Variants in HORMAD2 observed in about 807,000 individuals in gnomAD.
The protein encoded by HORMAD2 is HORMA domain containing 2.
A neutral mutation model predicts 38.8 loss-of-function variants in HORMAD2; 45 were observed. The observed-to-expected ratio is 1.16, with a 90% CI of 0.91 to 1.49. The LOEUF (loss-of-function observed/expected upper bound fraction) is 1.49, where lower values mean the gene tolerates loss of function less well. HORMAD2 is among the 40% of genes most tolerant of loss of function. HORMAD2 has a pLI of 0.00. For synonymous variants in HORMAD2, 126 were observed against 122.8 expected (o/e 1.03, Z -0.17); for missense variants, 338 against 367.0 (o/e 0.92, Z 0.65).
intron 10 of HORMAD2, among the ~76,000 whole-genome samples, chr22:30,158,108 T>C (rs925109273): frequency 6.6e-6 from 1 of 151,942 alleles, no homozygotes; most frequent in African/African-American, 2.4e-5. Flanking sequence ...AATAGAAATA[T>C]GGCCTCAGTT....
chr22:30,104,293 T>C, intron 4 of HORMAD2, 108 bp from the exon 5 acceptor site: 1 of 808,294 alleles, frequency 1.2e-6, no homozygotes, highest in Non-Finnish European at 2.1e-6. Context: ...GTAAGATGGT[T>C]ATCAACTTAA....
rs1041602806 is a variant in HORMAD2, at chr22:30,093,962, G to T, written c.10G>T (p.Ala4Ser). Residue 4 changes from alanine to serine, a missense_variant, in exon 2 of 11, where the codon GCT becomes TCT. Coordinates refer to ENST00000336726, the MANE Select transcript of HORMAD2 (RefSeq NM_152510.4). ...CTGATACATTCCTACAATGGCCACT[G>T]CTCAGCTTTCTCACTGCATCACAAT... MATAQLSHCITIHK... is the reference protein window; with the variant it reads MATSQLSHCITIHK... 4 of 1,606,844 alleles carry T rather than the reference G, an allele frequency of 2.5e-6. No individual in the cohort carries two copies. Among genetic ancestry groups the T allele is most frequent in the Middle Eastern group, 1.7e-4 (1 of 6,038 alleles).
intron 10 of HORMAD2, among the ~76,000 whole-genome samples, chr22:30,139,253 A>ATATAT (rs1923887283): frequency 3.3e-5 from 1 of 30,010 alleles, no homozygotes; most frequent in African/African-American, 1.8e-4. Flanking sequence ...TATGAACTGT[A>ATATAT]CTATATATAT....
chr22:30,112,562 ATAT>A (rs1569092617), intron 7 of HORMAD2, 40 bp downstream of exon 7: 3 of 916,036 alleles, frequency 3.3e-6, no homozygotes, highest in Non-Finnish European at 4.6e-6. Context: ...TAGTATATGT[ATAT>A]TATATTTTAA....
Position 30,109,718 on chromosome 22 carries a change from T to C in HORMAD2, c.295-2078T>C, listed in dbSNP as rs1035941938. On this transcript the variant is annotated intron_variant, in intron 5 of 10. Coordinates refer to ENST00000336726, the MANE Select transcript of HORMAD2 (RefSeq NM_152510.4). ...ACTCTTTCAAGCAGAGATAATCTGT[T>C]CATAGTAGTGTATATGTAGAGAGGA... Among the ~76,000 whole-genome samples the C allele has an allele frequency of 6.6e-5, 10 of 152,242 alleles. 1 individual carries two copies. Among genetic ancestry groups the C allele is most frequent in the Admixed American group, 3.9e-4 (6 of 15,276 alleles).
At chr22:30,184,868 A>G in the HORMAD2 span, 1 of 152,228 alleles carries the variant, frequency 6.6e-6, no homozygotes, top group Non-Finnish European at 1.5e-5. Context: ...CAAACCACCA[A>G]TTCATTGGTT....
At chr22:30,107,962 G>A (rs1601524675) in intron 5 of HORMAD2, among the ~76,000 whole-genome samples, 1 of 148,492 alleles carries the variant, frequency 6.7e-6, no homozygotes, top group Non-Finnish European at 1.5e-5. Context: ...TCTGCCTCCC[G>A]AGTTCAAGCA....
At chr22:30,175,316 A>AATATAT (rs373604513) in intron 10 of HORMAD2, among the ~76,000 whole-genome samples, 2 of 127,856 alleles carry the variant, frequency 1.6e-5, no homozygotes, top group African/African-American at 5.9e-5. Context: ...TATATAATAT[A>AATATAT]ATATATATAT....
intron 7 of HORMAD2, among the ~76,000 whole-genome samples, chr22:30,116,649 C>G (rs1243917645): frequency 6.6e-6 from 1 of 152,182 alleles, no homozygotes; most frequent in Non-Finnish European, 1.5e-5. Context: ...TGTAAATATA[C>G]TTTCCTAGAT....
chr22:30,137,376 ATCTT>A (rs1569106205), intron 10 of HORMAD2: 1 of 482,644 alleles, frequency 2.1e-6, no homozygotes, highest in African/African-American at 2.0e-5. Flanking sequence ...CATCATACCA[ATCTT>A]TCTTAGAAAA....
upstream of HORMAD2, among the ~76,000 whole-genome samples, chr22:30,078,283 GA>G (rs2068408234): frequency 6.6e-6 from 1 of 152,040 alleles, no homozygotes; most frequent in South Asian, 2.1e-4. Flanking sequence ...AGGTGATAGA[GA>G]GAAAAAAACA....
chr22:30,203,506 C>G, the HORMAD2 span, among the ~76,000 whole-genome samples: 1 of 152,094 alleles, frequency 6.6e-6, no homozygotes, highest in South Asian at 2.1e-4. Flanking sequence ...CCCCCACTGT[C>G]CATCCTTCCC....
intron 10 of HORMAD2, among the ~76,000 whole-genome samples, chr22:30,157,141 A>C (rs1925129910): frequency 6.6e-6 from 1 of 152,132 alleles, no homozygotes. Flanking sequence ...ATCCTCTTGG[A>C]GACCATGAAA....
chr22:30,206,535 TG>T, the HORMAD2 span, among the ~76,000 whole-genome samples: 1 of 152,086 alleles, frequency 6.6e-6, no homozygotes, highest in African/African-American at 2.4e-5. Flanking sequence ...CAGGTTAGGG[TG>T]CAGTGGTGCG....
chr22:30,079,084 T>C (rs772741229), upstream of HORMAD2, among the ~76,000 whole-genome samples: 30 of 152,214 alleles, frequency 2.0e-4, no homozygotes, highest in Non-Finnish European at 4.3e-4. Context: ...TTAGTCATTA[T>C]GTTCTAAACT....
At chr22:30,090,449 A>G (rs538405133) in intron 1 of HORMAD2, among the ~76,000 whole-genome samples, 2 of 152,356 alleles carry the variant, frequency 1.3e-5, no homozygotes, top group South Asian at 2.1e-4. Flanking sequence ...ATCTTTTAAT[A>G]GACATTCGAA....
At chr22:30,140,228 C>T (rs1601564410) in intron 10 of HORMAD2, among the ~76,000 whole-genome samples, 1 of 152,092 alleles carries the variant, frequency 6.6e-6, no homozygotes, top group Non-Finnish European at 1.5e-5. Flanking sequence ...AGCGCCAGTG[C>T]ACTCCAGCCT....
the HORMAD2 span, among the ~76,000 whole-genome samples, chr22:30,201,562 C>A: frequency 6.6e-6 from 1 of 152,060 alleles, no homozygotes; most frequent in East Asian, 1.9e-4. Flanking sequence ...GGACTACAGG[C>A]GCCCACCCCC....
chr22:30,154,849 C>A (rs369862902), intron 10 of HORMAD2, among the ~76,000 whole-genome samples: 1 of 152,112 alleles, frequency 6.6e-6, no homozygotes, highest in East Asian at 1.9e-4. Flanking sequence ...AGAAGGATCA[C>A]CTGAGGCCAG....
Sources: allele counts gnomAD v4.1 joint callset (sites outside exome capture counted in the v4.1 genomes callset), GRCh38; gene constraint gnomAD v4.1.1; transcripts MANE v1.5; gene names NCBI Gene and HGNC (gene_info 2026-07-23, HGNC 2026-07-21).